PCDHGA2: variants seen among roughly 807,000 people sequenced by gnomAD.
PCDHGA2 encodes protocadherin gamma subfamily A, 2.
Under a neutral mutation model 59.2 loss-of-function variants are expected in PCDHGA2, and 40 were observed. The ratio of observed to expected loss-of-function variants is 0.68; its 90% CI spans 0.52 to 0.88. The LOEUF (loss-of-function observed/expected upper bound fraction) is 0.88. Ranked by LOEUF, PCDHGA2 falls within the 40% of genes least tolerant of loss-of-function variation. The pLI is 0.00. For synonymous variants in PCDHGA2, 560 were observed against 526.0 expected (o/e 1.06, Z -0.89); for missense variants, 1,226 against 1,204.0 (o/e 1.02, Z -0.27).
At chr5:141,407,967 T>C (rs1589649755) in intron 1 of PCDHGA2, 2 of 705,496 alleles carry the variant, frequency 2.8e-6, no homozygotes, top group South Asian at 2.3e-5. Flanking sequence ...GAGCAAGCGC[T>C]GACGCCGGGG....
chr5:141,432,138 A>C lies in PCDHGA2; in HGVS notation c.2425-62669A>C, dbSNP rs2097456794. On this transcript the variant is annotated intron_variant, in intron 1 of 3. Coordinates refer to ENST00000394576, the MANE Select transcript of PCDHGA2 (RefSeq NM_018915.4). The surrounding 1 kb of genome is among the most constrained non-coding windows in gnomAD (Gnocchi z 6.0). ...TTCCCTCAGGCCTCCTATTCCGCTT[A>C]TATCCCAGAGAACAATCCCAGAGGA... 1 of 1,613,954 alleles carries C rather than the reference A, an allele frequency of 6.2e-7. No individual in the cohort carries two copies. Among genetic ancestry groups the C allele is most frequent in the African/African-American group, 1.3e-5 (1 of 74,882 alleles).
chr5:141,504,786 C>T (rs568185327), intron 2 of PCDHGA2, among the ~76,000 whole-genome samples: 1 of 152,132 alleles, frequency 6.6e-6, no homozygotes, highest in Non-Finnish European at 1.5e-5. Flanking sequence ...TCTCTTGGGG[C>T]CTCCTACATC....
In PCDHGA2 at chr5:141,489,242, TG is replaced by T; in HGVS notation, c.2425-5561del. 6.5e-7 allele frequency: 1 copy of T among 1,534,498 alleles called. No homozygotes were observed. The highest frequency in any genetic ancestry group is 2.3e-5 in the East Asian group (1 of 44,312). On this transcript the variant is annotated intron_variant, in intron 1 of 3. Transcript: ENST00000394576. The surrounding 1 kb of genome is among the most constrained non-coding windows in gnomAD (Gnocchi z 4.5). ...TCTCCACAAAGGGACTTCTGGGTCA[TG>T]GGGCCCAAGACACTCCCACAGCTCG...
At chr5:141,375,324 A>G in intron 1 of PCDHGA2, 2 of 1,613,806 alleles carry the variant, frequency 1.2e-6, no homozygotes, top group Non-Finnish European at 1.7e-6. Flanking sequence ...GACCGGGAAG[A>G]GGTATTCTTG....
chr5:141,385,067 G>A (rs963028251), intron 1 of PCDHGA2: 3 of 1,614,158 alleles, frequency 1.9e-6, no homozygotes, highest in Non-Finnish European at 2.5e-6. Flanking sequence ...CACAAGTCAC[G>A]CCTGCTGCAG....
intron 1 of PCDHGA2, chr5:141,356,860 G>T: frequency 6.2e-7 from 1 of 1,614,170 alleles, no homozygotes; most frequent in Non-Finnish European, 8.5e-7. Context: ...CTTTGTGCTG[G>T]ACCAGAACGA....
intron 1 of PCDHGA2, chr5:141,410,799 C>A: frequency 1.8e-6 from 1 of 560,610 alleles, no homozygotes; most frequent in Non-Finnish European, 2.6e-6. Flanking sequence ...ATAAGTTGCT[C>A]TATCTTTTTG....
chr5:141,422,780 T>C, intron 1 of PCDHGA2: 2 of 1,614,140 alleles, frequency 1.2e-6, no homozygotes, highest in Non-Finnish European at 1.7e-6. Context: ...CTCTATGCCC[T>C]ACAATCCTTC....
chr5:141,388,043 C>T (rs952133270), intron 1 of PCDHGA2: 6 of 1,412,324 alleles, frequency 4.2e-6, no homozygotes, highest in Middle Eastern at 5.0e-4. Flanking sequence ...TCGCCACGGA[C>T]CTGGGGTTCA....
intron 1 of PCDHGA2, chr5:141,409,152 T>C: frequency 6.2e-7 from 1 of 1,613,988 alleles, no homozygotes; most frequent in Non-Finnish European, 8.5e-7. Context: ...AGGTACACCA[T>C]GGAAGTGGAA....
intron 1 of PCDHGA2, chr5:141,395,037 G>A: frequency 1.9e-6 from 3 of 1,614,134 alleles, no homozygotes; most frequent in Non-Finnish European, 2.5e-6. Flanking sequence ...ACATTTTGTG[G>A]GTGTTGAGGA....
intron 1 of PCDHGA2, chr5:141,375,342 T>C: frequency 6.2e-7 from 1 of 1,613,798 alleles, no homozygotes; most frequent in Non-Finnish European, 8.5e-7. Flanking sequence ...TTGTACAACA[T>C]CACTGTGACA....
intron 1 of PCDHGA2, chr5:141,346,426 T>C (rs890986492): frequency 1.2e-6 from 2 of 1,614,276 alleles, no homozygotes; most frequent in African/African-American, 1.3e-5. Context: ...CAGGATTTAC[T>C]TGAAATGAAA....
At chr5:141,451,610 G>T (rs184745360) in intron 1 of PCDHGA2, among the ~76,000 whole-genome samples, 60 of 152,298 alleles carry the variant, frequency 3.9e-4, no homozygotes, top group African/African-American at 1.3e-3. Context: ...GGCTAGGCAT[G>T]GTGGCTCAAA....
At chr5:141,403,196 G>A (rs762413220) in intron 1 of PCDHGA2, 6 of 1,613,986 alleles carry the variant, frequency 3.7e-6, no homozygotes, top group East Asian at 4.5e-5. Flanking sequence ...CCCGCGCAGC[G>A]GCACCTTGGT....
At chr5:141,415,473 C>T in intron 1 of PCDHGA2, 2 of 1,614,224 alleles carry the variant, frequency 1.2e-6, no homozygotes, top group Non-Finnish European at 1.7e-6. Flanking sequence ...TCACCGCGGA[C>T]TCGCGAAAGA....
intron 1 of PCDHGA2, chr5:141,389,159 G>C: frequency 6.2e-7 from 1 of 1,613,988 alleles, no homozygotes; most frequent in Non-Finnish European, 8.5e-7. Context: ...CAACAGATCG[G>C]GGCAAGCCTC....
At chr5:141,469,233 C>T (rs2099194657) in intron 1 of PCDHGA2, among the ~76,000 whole-genome samples, 1 of 149,878 alleles carries the variant, frequency 6.7e-6, no homozygotes, top group African/African-American at 2.5e-5. Context: ...GCCATGATCA[C>T]CCCACTGCAC....
intron 1 of PCDHGA2, chr5:141,390,043 C>A (rs1022492557): frequency 1.9e-6 from 3 of 1,613,946 alleles, no homozygotes; most frequent in Non-Finnish European, 2.5e-6. Context: ...TCCAGCCCCG[C>A]CTCCTGGAGC....
Sources: gnomAD v4.1 joint callset for allele counts (sites outside exome capture counted in the v4.1 genomes callset) on GRCh38, gnomAD v4.1.1 for gene constraint, Gnocchi (gnomAD v3.1) non-coding constraint, MANE v1.5 for transcripts, NCBI Gene and HGNC (gene_info 2026-07-23, HGNC 2026-07-21) for gene names.